RAB35: variants seen among roughly 807,000 people sequenced by gnomAD.
RAB35 encodes the protein ras-related protein Rab-35.
RAB35 carries 4 observed loss-of-function variants against 28.9 expected under a neutral mutation model. That is an observed-to-expected ratio of 0.14 (90% CI 0.07 to 0.32). The LOEUF (loss-of-function observed/expected upper bound fraction) is 0.32, where lower values mean the gene tolerates loss of function less well. RAB35 is among the 10% of genes least tolerant of loss of function. RAB35 has a pLI of 1.00. For missense variants in RAB35, 128 were observed against 274.0 expected (o/e 0.47, Z 3.76); for synonymous variants, 99 against 105.1 (o/e 0.94, Z 0.35).
chr12:120,099,558 C>T, intron 3 of RAB35: 1 of 219,804 alleles, frequency 4.5e-6, no homozygotes, highest in Non-Finnish European at 9.2e-6. Context: ...ATTTGCTCCT[C>T]AAACCTGTTT....
At chr12:120,104,096 C>A in intron 2 of RAB35, 147 bp from the exon 3 acceptor site, 1 of 1,099,516 alleles carries the variant, frequency 9.1e-7, no homozygotes, top group East Asian at 2.7e-5. Flanking sequence ...GGACACAGCC[C>A]TGAACATCCT....
In RAB35 at chr12:120,096,247, C is replaced by T; in HGVS notation, c.*998G>A. The T allele has an allele frequency of 2.3e-6, 1 of 441,500 alleles. No homozygotes were observed. Among genetic ancestry groups the T allele is most frequent in the Non-Finnish European group, 3.9e-6 (1 of 259,474 alleles). The allele number at this position is 441,500 out of a possible 1,614,324, so 27.3% of individuals were successfully genotyped here. A position where few individuals can be genotyped will look rare whatever the true frequency, so the allele number is the denominator to read the frequency against. On this transcript the variant is annotated 3_prime_UTR_variant, in exon 6 of 6. Transcript: ENST00000229340. ...CCCTTCTCCGCTCCCACCAAGAAAG[C>T]CCAAGAGTCCAGCCCCACAATGGCA...
At chr12:120,113,722 G>T (rs190021300) in intron 1 of RAB35, among the ~76,000 whole-genome samples, 1 of 152,056 alleles carries the variant, frequency 6.6e-6, no homozygotes, top group East Asian at 1.9e-4. Context: ...GGAGGCTGAG[G>T]CAGGAGAATG....
At chr12:120,098,786 G>A (rs1329108096) in intron 5 of RAB35, 25 bp downstream of exon 5, 1 of 1,613,480 alleles carries the variant, frequency 6.2e-7, no homozygotes. Context: ...GTGTGTGGCA[G>A]AGCCACAGTG....
chr12:120,095,621 CCCCTCCACAGCA>C lies in RAB35; in HGVS notation c.*1612_*1623del, dbSNP rs1204678175. The C allele has an allele frequency of 6.6e-6, 1 of 152,218 alleles. No homozygotes were observed. Among genetic ancestry groups the C allele is most frequent in the Admixed American group, 6.5e-5 (1 of 15,270 alleles). 9.4% of individuals were successfully genotyped at this position (152,218 alleles called of 1,614,324 possible). A position where few individuals can be genotyped will look rare whatever the true frequency, so the allele number is the denominator to read the frequency against. ...GCTGCCTGCTGGTCAGCCCTGCAGC[CCCCTCCACAGCA>C]CCCTCCTTCCCAGGCCCATGGGGCT... On this transcript the variant is annotated 3_prime_UTR_variant, in exon 6 of 6. Transcript: ENST00000229340.
chr12:120,114,326 C>A (rs2139064520), intron 1 of RAB35, among the ~76,000 whole-genome samples: 1 of 152,382 alleles, frequency 6.6e-6, no homozygotes, highest in East Asian at 1.9e-4. Flanking sequence ...CTCCTGTCTT[C>A]AGGTGATCTG....
intron 1 of RAB35, among the ~76,000 whole-genome samples, chr12:120,116,371 A>G (rs751631190): frequency 2.8e-4 from 42 of 152,038 alleles, no homozygotes; most frequent in Non-Finnish European, 5.4e-4. Flanking sequence ...TGAGGCAGGA[A>G]CAGGCGCGAT....
Position 120,114,009 on chromosome 12 carries a change from G to A in RAB35, c.52+2590C>T, listed in dbSNP as rs1047014890. ...GCCCTGACATGAGCTGCTCGCACAC[G>A]TATTAGCACTGAGATGCAGTGGCTC... is the stretch of plus-strand genomic sequence containing the variant. On this transcript the variant is annotated intron_variant, in intron 1 of 5. Transcript: ENST00000229340. Among the ~76,000 whole-genome samples, 3 of 152,320 alleles carry A rather than the reference G, an allele frequency of 2.0e-5. No homozygotes were observed. In the East Asian group the frequency reaches 5.8e-4, roughly 29 times the overall value.
intron 2 of RAB35, 41 bp downstream of exon 2, chr12:120,108,376 A>G: frequency 6.3e-7 from 1 of 1,583,276 alleles, no homozygotes; most frequent in South Asian, 1.1e-5. Context: ...CAACAAACAA[A>G]CAAAAACGAC....
intron 2 of RAB35, among the ~76,000 whole-genome samples, chr12:120,107,866 C>CAAAAAA (rs57274207): frequency 4.4e-4 from 14 of 31,972 alleles, no homozygotes; most frequent in Non-Finnish European, 7.8e-4. Context: ...GACTCCATCT[C>CAAAAAA]AAAAAAAAAA....
rs936911493 is a variant in RAB35, at chr12:120,096,718, T to C, written c.*527A>G. ...AGGCCCCGGAGAAGGGGCAAGACCC[T>C]GTGCAGCGGGGACAGAGGCTGACAA... On this transcript the variant is annotated 3_prime_UTR_variant, in exon 6 of 6. Coordinates refer to ENST00000229340, the MANE Select transcript of RAB35 (RefSeq NM_006861.7). The C allele has an allele frequency of 2.6e-5, 34 of 1,289,798 alleles. No individual in the cohort carries two copies. Among genetic ancestry groups the C allele is most frequent in the Non-Finnish European group, 3.3e-5 (33 of 988,932 alleles). 79.9% of individuals were successfully genotyped at this position (1,289,798 alleles called of 1,614,324 possible).
intron 2 of RAB35, among the ~76,000 whole-genome samples, chr12:120,108,103 G>T (rs1270287631): frequency 1.3e-5 from 2 of 151,938 alleles, no homozygotes; most frequent in Admixed American, 1.3e-4. Flanking sequence ...GGAGGCATAG[G>T]GGGCAGGAGC....
rs1009253548 is a variant in RAB35 at position 120,098,662 on chromosome 12, C to A, written c.477+149G>T. ...GGACTGTTGAACTATGAACTAAGAT[C>A]GTTAAAGGGCCTGGCACATAGTAGG... On this transcript the variant is annotated intron_variant, in intron 5 of 5. Coordinates refer to ENST00000229340, the MANE Select transcript of RAB35 (RefSeq NM_006861.7). 3.7e-6 allele frequency: 4 copies of A among 1,089,272 alleles called. No homozygotes were observed. The African/African-American group carries it at 6.3e-5, about 17-fold the overall frequency. 67.5% of individuals were successfully genotyped at this position (1,089,272 alleles called of 1,614,324 possible). A position where few individuals can be genotyped will look rare whatever the true frequency, so the allele number is the denominator to read the frequency against.
At chr12:120,101,523 C>T (rs1049939878) in intron 3 of RAB35, among the ~76,000 whole-genome samples, 1 of 152,236 alleles carries the variant, frequency 6.6e-6, no homozygotes, top group Non-Finnish European at 1.5e-5. Flanking sequence ...TCTCTCTGAA[C>T]GCCCTGCATC....
Position 120,097,094 on chromosome 12 carries a change from G to T in RAB35, c.*151C>A, listed in dbSNP as rs1216128049. 4 of 1,575,888 alleles carry T rather than the reference G, an allele frequency of 2.5e-6. No individual in the cohort carries two copies. Among genetic ancestry groups the T allele is most frequent in the African/African-American group, 2.7e-5 (2 of 74,342 alleles). On this transcript the variant is annotated 3_prime_UTR_variant, in exon 6 of 6. Transcript: ENST00000229340. ...TTCTTGGCACTCGAGGAGGGCGGGG[G>T]AGGAAGTGCCGATGGCACCTCCCGA...
chr12:120,099,916 C>T (rs911525854), intron 3 of RAB35, among the ~76,000 whole-genome samples: 2 of 152,232 alleles, frequency 1.3e-5, no homozygotes, highest in Non-Finnish European at 2.9e-5. Context: ...CGAGAGCTGT[C>T]GAAGAGCCGG....
intron 1 of RAB35, among the ~76,000 whole-genome samples, chr12:120,114,550 G>A (rs1246856116): frequency 6.6e-6 from 1 of 152,236 alleles, no homozygotes; most frequent in Non-Finnish European, 1.5e-5. Context: ...CCAAAGCTTA[G>A]TCTGGACTTC....
At chr12:120,097,492 T>G (rs528431809) in intron 5 of RAB35, 119 bp from the exon 6 acceptor site, 2 of 743,636 alleles carry the variant, frequency 2.7e-6, no homozygotes, top group African/African-American at 1.8e-5. Context: ...ATTTTTGGTA[T>G]GTATGTCTTC....
chr12:120,102,720 C>G (rs1875708095), intron 3 of RAB35, among the ~76,000 whole-genome samples: 1 of 152,194 alleles, frequency 6.6e-6, no homozygotes, highest in Admixed American at 6.5e-5. Context: ...GCCGAGGGGC[C>G]CGGGGGCAGG....
Sources: allele counts gnomAD v4.1 joint callset (sites outside exome capture counted in the v4.1 genomes callset), GRCh38; gene constraint gnomAD v4.1.1; transcripts MANE v1.5; gene names NCBI Gene and HGNC (gene_info 2026-07-23, HGNC 2026-07-21).